The following CPS1 variants were observed in gnomAD, a reference collection of about 807,000 sequenced individuals.
CPS1 encodes carbamoyl-phosphate synthase 1, also known as carbamoyl-phosphate synthase [ammonia], mitochondrial.
In CPS1, 109 loss-of-function variants were observed where a neutral mutation model predicts 174.6. The observed-to-expected ratio is 0.62, with a 90% CI of 0.53 to 0.73. The LOEUF (loss-of-function observed/expected upper bound fraction) is 0.73, where lower values mean the gene tolerates loss of function less well. CPS1 is among the 30% of genes least tolerant of loss of function. CPS1 has a pLI of 0.00. For synonymous variants in CPS1, 637 were observed against 632.0 expected (o/e 1.01, Z -0.12); for missense variants, 1,689 against 1,821.9 (o/e 0.93, Z 1.33).
chr2:210,483,828 G>C (rs939257308), intron 1 of CPS1, among the ~76,000 whole-genome samples: 1 of 152,128 alleles, frequency 6.6e-6, no homozygotes, highest in Non-Finnish European at 1.5e-5. Flanking sequence ...TATTCACAAG[G>C]TTGGCCTTAC....
intron 11 of CPS1, 53 bp from the exon 12 acceptor site, chr2:210,594,455 G>C: frequency 8.1e-7 from 1 of 1,228,606 alleles, no homozygotes; most frequent in Non-Finnish European, 1.2e-6. Flanking sequence ...TGTTTTATCT[G>C]GTGAACTTAG....
upstream of CPS1, among the ~76,000 whole-genome samples, chr2:210,551,964 A>T (rs142263547): frequency 6.6e-6 from 1 of 151,966 alleles, no homozygotes; most frequent in Non-Finnish European, 1.5e-5. Flanking sequence ...AGTTTCTGTG[A>T]TAGGAGAAAA....
At chr2:210,653,291 C>T (rs1439688850) in intron 28 of CPS1, among the ~76,000 whole-genome samples, 1 of 152,100 alleles carries the variant, frequency 6.6e-6, no homozygotes, top group Non-Finnish European at 1.5e-5. Flanking sequence ...CCCTCAACCT[C>T]TTCATTTAGT....
intron 1 of CPS1, among the ~76,000 whole-genome samples, chr2:210,534,445 C>A (rs1696195465): frequency 1.3e-5 from 2 of 152,346 alleles, no homozygotes; most frequent in Middle Eastern, 3.4e-3. Flanking sequence ...CTATATATTG[C>A]TGTGGGCCAG....
chr2:210,620,325 G>C (rs1241038859), intron 21 of CPS1, among the ~76,000 whole-genome samples: 1 of 152,096 alleles, frequency 6.6e-6, no homozygotes, highest in East Asian at 1.9e-4. Flanking sequence ...TTCCATGCCT[G>C]TGAGATAGTA....
At chr2:210,512,697 T>C (rs1390688982) in intron 1 of CPS1, among the ~76,000 whole-genome samples, 1 of 140,620 alleles carries the variant, frequency 7.1e-6, no homozygotes, top group African/African-American at 2.6e-5. Context: ...GGTAGAACAA[T>C]TTATTTTCTT....
chr2:210,645,754 GC>G (rs1420633536), intron 25 of CPS1, among the ~76,000 whole-genome samples: 1 of 152,204 alleles, frequency 6.6e-6, no homozygotes, highest in Non-Finnish European at 1.5e-5. Context: ...CTGCACTCCA[GC>G]GTTCATGTAC....
upstream of CPS1, chr2:210,556,272 C>T: frequency 2.2e-6 from 1 of 444,958 alleles, no homozygotes; most frequent in Non-Finnish European, 4.5e-6. Flanking sequence ...CTTTGGGAAT[C>T]CAAAATCTCT....
chr2:210,638,499 C>T (rs1232916747), intron 22 of CPS1, among the ~76,000 whole-genome samples: 7 of 152,130 alleles, frequency 4.6e-5, no homozygotes, highest in South Asian at 2.1e-4. Flanking sequence ...TCAAGGGGCA[C>T]GTGCATACCC....
At chr2:210,548,057 T>C (rs78042311) in intron 1 of CPS1, among the ~76,000 whole-genome samples, 5,018 of 152,134 alleles carry the variant, frequency 0.033, 257 homozygotes, top group African/African-American at 0.11. Flanking sequence ...TCAAAGTCTT[T>C]AATAATTTGA....
At chr2:210,482,858 T>A (rs1694609359) in intron 1 of CPS1, among the ~76,000 whole-genome samples, 1 of 152,200 alleles carries the variant, frequency 6.6e-6, no homozygotes, top group Non-Finnish European at 1.5e-5. Context: ...CCTAACCCAA[T>A]GTGTACTTAT....
chr2:210,494,569 A>C (rs146578123), intron 1 of CPS1, among the ~76,000 whole-genome samples: 2 of 152,352 alleles, frequency 1.3e-5, no homozygotes, highest in Non-Finnish European at 2.9e-5. Flanking sequence ...GGAGATGCAA[A>C]GGCAAACACC....
intron 1 of CPS1, among the ~76,000 whole-genome samples, chr2:210,548,934 C>T (rs925468028): frequency 2.0e-5 from 3 of 151,970 alleles, no homozygotes; most frequent in Admixed American, 6.6e-5. Flanking sequence ...AATCACATTC[C>T]GCTGAAAATA....
chr2:210,497,285 G>T (rs144156170), intron 1 of CPS1, among the ~76,000 whole-genome samples: 1 of 152,220 alleles, frequency 6.6e-6, no homozygotes, highest in Non-Finnish European at 1.5e-5. Context: ...TGTGCATATA[G>T]AACATGTTAA....
In CPS1 at chr2:210,637,870, C is replaced by A; in HGVS notation, c.2829+27C>A. The A allele has an allele frequency of 2.5e-6, 4 of 1,612,920 alleles. No individual in the cohort carries two copies. In the Middle Eastern group the frequency reaches 6.8e-4, roughly 275 times the overall value. The stretch of plus-strand genomic sequence containing the variant: ...TAAAGGAGTTTCCCTTTTCCCCCAT[C>A]CCCCACTGACAGGATTTCTGTGGTA... On this transcript the variant is annotated intron_variant, in intron 22 of 37. Transcript: ENST00000233072.
Position 210,556,869 on chromosome 2 carries a change from A to G in CPS1, c.126+10A>G. The stretch of plus-strand genomic sequence containing the variant: ...GCTCCTTTCTGTCAAGGTAATACCC[A>G]TATTGATTGTTTCTGATAAAATACT... On this transcript the variant is annotated intron_variant, in intron 1 of 37. Transcript: ENST00000233072. 1.9e-6 allele frequency: 3 copies of G among 1,612,648 alleles called. No individual in the cohort carries two copies. The highest frequency in any genetic ancestry group is 8.5e-7 in the Non-Finnish European group (1 of 1,178,994).
intron 24 of CPS1, among the ~76,000 whole-genome samples, chr2:210,641,559 C>T (rs771071016): frequency 3.3e-5 from 5 of 152,180 alleles, no homozygotes; most frequent in South Asian, 2.1e-4. Context: ...TCAGGAGACA[C>T]GTTCAGGCCA....
At chr2:210,602,125 G>T (rs1333882444) in intron 15 of CPS1, 77 bp from the exon 16 acceptor site, 93 of 1,576,870 alleles carry the variant, frequency 5.9e-5, no homozygotes, top group Non-Finnish European at 7.7e-5. Context: ...TTACCTGATT[G>T]CCAGACTCTC....
intron 1 of CPS1, among the ~76,000 whole-genome samples, chr2:210,541,874 G>T (rs2106013964): frequency 6.6e-6 from 1 of 152,162 alleles, no homozygotes; most frequent in South Asian, 2.1e-4. Flanking sequence ...GTGAACCAAA[G>T]GTGTGATGCA....
Sources: gnomAD v4.1 joint callset for allele counts (sites outside exome capture counted in the v4.1 genomes callset) on GRCh38, gnomAD v4.1.1 for gene constraint, MANE v1.5 for transcripts, NCBI Gene and HGNC (gene_info 2026-07-23, HGNC 2026-07-21) for gene names.